CDC20B: variants seen among roughly 807,000 people sequenced by gnomAD.
The protein encoded by CDC20B is cell division cycle protein 20 homolog B.
In CDC20B, 58 loss-of-function variants were observed where a neutral mutation model predicts 64.1. The ratio of observed to expected loss-of-function variants is 0.90; its 90% confidence interval spans 0.73 to 1.13. CDC20B has a LOEUF of 1.13. Ranked by LOEUF, CDC20B falls within the 50% of genes most tolerant of loss-of-function variation. The pLI is 0.00. For synonymous variants in CDC20B, 243 were observed against 230.6 expected (o/e 1.05, Z -0.49); for missense variants, 597 against 633.0 (o/e 0.94, Z 0.61).
chr5:55,150,848 C>T (rs139599398), intron 2 of CDC20B, among the ~76,000 whole-genome samples: 82 of 152,182 alleles, frequency 5.4e-4, no homozygotes, highest in African/African-American at 1.6e-3. Context: ...AGAGCTCAAG[C>T]GATCCTCCTG....
chr5:55,143,382 A>G, intron 4 of CDC20B, 131 bp downstream of exon 4: 3 of 945,270 alleles, frequency 3.2e-6, no homozygotes, highest in Non-Finnish European at 4.4e-6. Flanking sequence ...TCAATTATTC[A>G]TTTTTTATCA....
chr5:55,119,138 A>C (rs1742694491), intron 11 of CDC20B, among the ~76,000 whole-genome samples: 1 of 152,206 alleles, frequency 6.6e-6, no homozygotes, highest in Admixed American at 6.5e-5. Flanking sequence ...AGAGTTCTAC[A>C]AGAGATTGGA....
At chr5:55,165,599 TG>T (rs1490112456) in intron 2 of CDC20B, 2 of 152,220 alleles carry the variant, frequency 1.3e-5, no homozygotes, top group Non-Finnish European at 2.9e-5. Flanking sequence ...AAATATTTCA[TG>T]AAGCATCTTC....
intron 2 of CDC20B, chr5:55,164,533 A>G (rs957151086): frequency 5.9e-6 from 1 of 170,244 alleles, no homozygotes; most frequent in African/African-American, 2.4e-5. Flanking sequence ...TGACCATACT[A>G]AAGAATTCAG....
intron 9 of CDC20B, among the ~76,000 whole-genome samples, chr5:55,121,398 G>A (rs1054855238): frequency 3.3e-5 from 5 of 152,082 alleles, no homozygotes; most frequent in East Asian, 3.9e-4. Flanking sequence ...ATATTCCATC[G>A]TGTCGTTATA....
At chr5:55,157,661 A>T (rs1278790179) in intron 2 of CDC20B, among the ~76,000 whole-genome samples, 1 of 152,250 alleles carries the variant, frequency 6.6e-6, no homozygotes, top group Non-Finnish European at 1.5e-5. Flanking sequence ...CTTATTCAGC[A>T]ATCACAAGCA....
chr5:55,130,373 C>T (rs372419923), intron 6 of CDC20B, among the ~76,000 whole-genome samples: 16 of 152,054 alleles, frequency 1.1e-4, no homozygotes, highest in African/African-American at 2.4e-4. Context: ...GAAGCCTCAG[C>T]GAATTGTGGA....
At chr5:55,163,911 A>G (rs1392705385) in intron 2 of CDC20B, 1 of 524,698 alleles carries the variant, frequency 1.9e-6, no homozygotes, top group East Asian at 3.1e-5. Flanking sequence ...CTTGAGTTTC[A>G]CTTCGTTTGG....
intron 2 of CDC20B, among the ~76,000 whole-genome samples, chr5:55,170,184 A>G (rs1397282269): frequency 2.0e-5 from 3 of 152,182 alleles, no homozygotes; most frequent in East Asian, 1.9e-4. Context: ...CTGGGGACAC[A>G]TTGTAGGTCC....
intron 6 of CDC20B, among the ~76,000 whole-genome samples, chr5:55,131,182 C>T (rs965065744): frequency 6.6e-6 from 1 of 152,102 alleles, no homozygotes; most frequent in Non-Finnish European, 1.5e-5. Context: ...ATGACAACTA[C>T]AATAACCTAA....
At chr5:55,125,065 G>T (rs867248931) in intron 8 of CDC20B, 37 bp from the exon 9 acceptor site, 1 of 1,533,492 alleles carries the variant, frequency 6.5e-7, no homozygotes, top group East Asian at 2.3e-5. Context: ...AAGCCCTGTT[G>T]CTACATAAAC....
At chr5:55,135,862 A>G (rs1469822774) in intron 5 of CDC20B, 1 of 151,862 alleles carries the variant, frequency 6.6e-6, no homozygotes, top group Non-Finnish European at 1.5e-5. Context: ...GGGAAGCCAA[A>G]AGATTGGACA....
At chr5:55,148,997 G>A (rs962028563) in intron 2 of CDC20B, among the ~76,000 whole-genome samples, 7 of 152,228 alleles carry the variant, frequency 4.6e-5, no homozygotes, top group East Asian at 1.9e-4. Context: ...ACATGAGGGT[G>A]TGTACTGCAT....
Position 55,153,240 on chromosome 5 carries a change from T to TAAAAA in CDC20B, c.127-6389_127-6385dup, listed in dbSNP as rs1206577177. Among the ~76,000 whole-genome samples the TAAAAA allele has an allele frequency of 4.6e-3, 402 of 87,572 alleles. 14 individuals are homozygous for TAAAAA. Among genetic ancestry groups the TAAAAA allele is most frequent in the African/African-American group, 0.019 (367 of 19,236 alleles). 57.5% of individuals were successfully genotyped at this position (87,572 alleles called of 152,430 possible). Reference sequence around the variant, plus strand: ...GGCGATATAGCCAGACCTTGTCTCATAAAAAAAAAAAAAAAAAAAAAAAGA... The same window carrying TAAAAA: ...GGCGATATAGCCAGACCTTGTCTCATAAAAAAAAAAAAAAAAAAAAAAAAAAAAGA... On this transcript the variant is annotated intron_variant, in intron 2 of 11. Coordinates refer to ENST00000381375, the MANE Select transcript of CDC20B (RefSeq NM_001170402.1).
intron 11 of CDC20B, among the ~76,000 whole-genome samples, chr5:55,118,732 G>C (rs1318557093): frequency 6.6e-6 from 1 of 152,160 alleles, no homozygotes; most frequent in Non-Finnish European, 1.5e-5. Context: ...AGAGTTCCCT[G>C]TATTCTGATC....
chr5:55,161,865 C>G (rs559117015), intron 2 of CDC20B, among the ~76,000 whole-genome samples: 286 of 152,270 alleles, frequency 1.9e-3, no homozygotes, highest in Non-Finnish European at 3.8e-3. Flanking sequence ...ATGAGGCATA[C>G]AGACAGCATA....
At position 55,114,029 on chromosome 5, in the gene CDC20B, AAAG is replaced by A; in HGVS notation, c.*186_*188del. 9.6e-7 allele frequency: 1 copy of A among 1,039,176 alleles called. No homozygotes were observed. Among genetic ancestry groups the A allele is most frequent in the Non-Finnish European group, 1.3e-6 (1 of 756,540 alleles). The allele number at this position is 1,039,176 out of a possible 1,614,324, so 64.4% of individuals were successfully genotyped here. A position where few individuals can be genotyped will look rare whatever the true frequency, so the allele number is the denominator to read the frequency against. On this transcript the variant is annotated 3_prime_UTR_variant, in exon 12 of 12. Transcript: ENST00000381375. The surrounding 1 kb of genome is among the most constrained non-coding windows in gnomAD (Gnocchi z 4.1). ...GGCAGAAAGAAGAAAGCAGAGAAGA[AAAG>A]AAGCGGATCTCTGGGAAGCAGAGCA...
intron 9 of CDC20B, 21 bp downstream of exon 9, chr5:55,124,782 G>T: frequency 6.3e-7 from 1 of 1,597,212 alleles, no homozygotes; most frequent in Non-Finnish European, 8.6e-7. Flanking sequence ...AGGAAACCTA[G>T]AAATCTATTG....
At chr5:55,142,342 C>CA (rs1220414543) in intron 4 of CDC20B, among the ~76,000 whole-genome samples, 2 of 152,056 alleles carry the variant, frequency 1.3e-5, no homozygotes, top group African/African-American at 2.4e-5. Flanking sequence ...CTAATCATGA[C>CA]AAAAAATGCT....
Sources: allele counts gnomAD v4.1 joint callset (sites outside exome capture counted in the v4.1 genomes callset), GRCh38; gene constraint gnomAD v4.1.1; non-coding constraint Gnocchi (gnomAD v3.1); transcripts MANE v1.5; gene names NCBI Gene and HGNC (gene_info 2026-07-23, HGNC 2026-07-21).